Variants in GTPBP1 observed in about 807,000 individuals in gnomAD.
GTPBP1 encodes GTP binding protein 1.
A neutral mutation model predicts 62.0 loss-of-function variants in GTPBP1; 23 were observed. The ratio of observed to expected loss-of-function variants is 0.37; its 90% CI spans 0.27 to 0.53. The LOEUF (loss-of-function observed/expected upper bound fraction) is 0.53. Ranked by LOEUF, GTPBP1 falls within the 20% of genes least tolerant of loss-of-function variation. The pLI is 0.89. For synonymous variants in GTPBP1, 344 were observed against 364.4 expected (o/e 0.94, Z 0.64); for missense variants, 640 against 917.3 (o/e 0.70, Z 3.90).
Position 38,716,147 on chromosome 22 carries a change from C to T in GTPBP1, c.485+60C>T, listed in dbSNP as rs2092669154. 7.3e-7 allele frequency: 1 copy of T among 1,375,376 alleles called. No individual in the cohort carries two copies. The highest frequency in any genetic ancestry group is 2.5e-5 in the East Asian group (1 of 40,012). The allele number at this position is 1,375,376 out of a possible 1,614,324, so 85.2% of individuals were successfully genotyped here. A position where few individuals can be genotyped will look rare whatever the true frequency, so the allele number is the denominator to read the frequency against. ...TCTTCACAGAGGTTGGTGACTGAGC[C>T]TGTGGCACTTGGCGTGTCAGCTCCA... On this transcript the variant is annotated intron_variant, in intron 3 of 11. Transcript: ENST00000216044. This position sits in a 1 kb window ranked among gnomAD's most constrained non-coding sequence, Gnocchi z 5.2.
intron 2 of GTPBP1, among the ~76,000 whole-genome samples, chr22:38,709,792 C>T (rs779034581): frequency 5.9e-5 from 9 of 152,206 alleles, no homozygotes; most frequent in South Asian, 2.1e-4. Flanking sequence ...TAACAGAGGT[C>T]GTCCTCTCTC....
chr22:38,740,811 C>A (rs1429188172), downstream of GTPBP1: 19 of 627,652 alleles, frequency 3.0e-5, no homozygotes, highest in East Asian at 5.2e-4. The surrounding 1 kb of genome is among the most constrained non-coding windows in gnomAD (Gnocchi z 4.8). Flanking sequence ...CCTCAGGACC[C>A]CCCTGCTAAC....
At chr22:38,710,448 G>C (rs372219691) in intron 2 of GTPBP1, among the ~76,000 whole-genome samples, 4 of 152,130 alleles carry the variant, frequency 2.6e-5, no homozygotes, top group Admixed American at 6.5e-5. Flanking sequence ...AATATCTTTC[G>C]TATCTGTTCT....
chr22:38,711,529 C>G (rs568464350), intron 2 of GTPBP1, among the ~76,000 whole-genome samples: 1 of 151,898 alleles, frequency 6.6e-6, no homozygotes, highest in Admixed American at 6.6e-5. Flanking sequence ...TTTTAAGGGT[C>G]CCAGGTTGTA....
At chr22:38,734,184 G>C (rs991208789), downstream of GTPBP1, 3 of 347,956 alleles carry the variant, frequency 8.6e-6, no homozygotes, top group African/African-American at 6.8e-5. Flanking sequence ...CAGGTGCCAC[G>C]GTCAGTATGA....
Position 38,726,636 on chromosome 22 carries a change from C to T in GTPBP1, c.1401+196C>T, listed in dbSNP as rs910405876. ...GACACACAGCTTGTAAGTGCTAGAG[C>T]GAGGAATGCCTCCTTCTAAGCTCCG... is the stretch of plus-strand genomic sequence containing the variant. On this transcript the variant is annotated intron_variant, in intron 8 of 11. Transcript: ENST00000216044. The surrounding 1 kb of genome is among the most constrained non-coding windows in gnomAD (Gnocchi z 4.1). Among the ~76,000 whole-genome samples the T allele has an allele frequency of 1.1e-4, 16 of 152,288 alleles. No individual in the cohort carries two copies. Among genetic ancestry groups the T allele is most frequent in the East Asian group, 3.9e-4 (2 of 5,174 alleles).
chr22:38,734,031 A>G, downstream of GTPBP1: 1 of 252,454 alleles, frequency 4.0e-6, no homozygotes, highest in Non-Finnish European at 8.0e-6. Context: ...CTGTCTCCCA[A>G]GAGGCTGAGG....
downstream of GTPBP1, chr22:38,741,160 G>T: frequency 8.0e-7 from 1 of 1,257,104 alleles, no homozygotes; most frequent in Non-Finnish European, 1.1e-6. Context: ...CCCTGCCCAA[G>T]GTCTCTTGAC....
Position 38,726,821 on chromosome 22 carries a change from G to A in GTPBP1, c.1401+381G>A, listed in dbSNP as rs1485458890. Among the ~76,000 whole-genome samples, 3 of 152,148 alleles carry A rather than the reference G, an allele frequency of 2.0e-5. No homozygotes were observed. Among genetic ancestry groups the A allele is most frequent in the Non-Finnish European group, 4.4e-5 (3 of 68,024 alleles). The stretch of plus-strand genomic sequence containing the variant: ...TATCTCCTGGGGTTTGGGGTGGGTT[G>A]TAGTTCAGGGGTCACCTACCTTTAC... On this transcript the variant is annotated intron_variant, in intron 8 of 11. Transcript: ENST00000216044. The surrounding 1 kb of genome is among the most constrained non-coding windows in gnomAD (Gnocchi z 4.1).
At chr22:38,719,860 T>G (rs2092690310) in intron 4 of GTPBP1, among the ~76,000 whole-genome samples, 1 of 152,078 alleles carries the variant, frequency 6.6e-6, no homozygotes, top group Non-Finnish European at 1.5e-5. Context: ...CCAAATATCT[T>G]TCAGCTGCTT....
intron 10 of GTPBP1, chr22:38,728,825 T>A (rs2092740652): frequency 6.5e-6 from 1 of 153,306 alleles, no homozygotes; most frequent in South Asian, 2.0e-4. Flanking sequence ...AACACTGTAA[T>A]GTCCTCTGGG....
intron 2 of GTPBP1, among the ~76,000 whole-genome samples, chr22:38,715,666 C>T (rs2092665592): frequency 6.6e-6 from 1 of 152,178 alleles, no homozygotes; most frequent in Non-Finnish European, 1.5e-5. Flanking sequence ...CTGGGAGAGC[C>T]TCGGTGGCTG....
chr22:38,738,995 C>T (rs779831994), downstream of GTPBP1: 1 of 1,605,068 alleles, frequency 6.2e-7, no homozygotes, highest in Non-Finnish European at 8.5e-7. This position sits in a 1 kb window ranked among gnomAD's most constrained non-coding sequence, Gnocchi z 6.6. Context: ...GCCCCTGAGA[C>T]AGGAGAGGAA....
At chr22:38,738,625 T>C, downstream of GTPBP1, 1 of 1,613,982 alleles carries the variant, frequency 6.2e-7, no homozygotes, top group Non-Finnish European at 8.5e-7. This position sits in a 1 kb window ranked among gnomAD's most constrained non-coding sequence, Gnocchi z 6.6. Context: ...GAGATAGTGC[T>C]GTTGGGTGAC....
intron 4 of GTPBP1, among the ~76,000 whole-genome samples, chr22:38,717,854 G>A (rs748012421): frequency 1.3e-5 from 2 of 152,168 alleles, no homozygotes; most frequent in Admixed American, 6.5e-5. Context: ...GAGGGAGGGC[G>A]GGAAGGGACA....
rs1185081112 is a variant in GTPBP1, at chr22:38,727,937, CCACCAGGTGGCT to C, written c.1538-44_1538-33del. 3 of 1,456,162 alleles carry C rather than the reference CCACCAGGTGGCT, an allele frequency of 2.1e-6. No individual in the cohort carries two copies. The allele number at this position is 1,456,162 out of a possible 1,614,324, so 90.2% of individuals were successfully genotyped here. A position where few individuals can be genotyped will look rare whatever the true frequency, so the allele number is the denominator to read the frequency against. On this transcript the variant is annotated intron_variant, in intron 9 of 11. Coordinates refer to ENST00000216044, the MANE Select transcript of GTPBP1 (RefSeq NM_004286.5). The surrounding 1 kb of genome is among the most constrained non-coding windows in gnomAD (Gnocchi z 6.5). ...CTCACTGCCTCCCGTTGTCCTGAAGCCACCAGGTGGCTCCAGCCTATCCTGACCTCTGGCTTC... is the reference window on the plus strand; with the variant it reads ...CTCACTGCCTCCCGTTGTCCTGAAGCCCAGCCTATCCTGACCTCTGGCTTC...
chr22:38,738,366 A>G (rs1453320243), downstream of GTPBP1: 2 of 1,179,574 alleles, frequency 1.7e-6, no homozygotes, highest in Middle Eastern at 2.0e-4. The surrounding 1 kb of genome is among the most constrained non-coding windows in gnomAD (Gnocchi z 6.6). Flanking sequence ...CAGGCACCAG[A>G]GTGGCCTATG....
At chr22:38,708,228 A>C (rs914165351) in intron 1 of GTPBP1, among the ~76,000 whole-genome samples, 2 of 152,240 alleles carry the variant, frequency 1.3e-5, no homozygotes, top group Non-Finnish European at 2.9e-5. Flanking sequence ...TGGCTTACCC[A>C]AGTAAATGGT....
intron 1 of GTPBP1, chr22:38,706,548 TG>T: frequency 6.1e-6 from 1 of 164,752 alleles, no homozygotes; most frequent in East Asian, 1.7e-4. Flanking sequence ...CTCCTCTCCC[TG>T]GACCGCGCGG....
Sources: allele counts gnomAD v4.1 joint callset (sites outside exome capture counted in the v4.1 genomes callset), GRCh38; gene constraint gnomAD v4.1.1; non-coding constraint Gnocchi (gnomAD v3.1); transcripts MANE v1.5; gene names NCBI Gene and HGNC (gene_info 2026-07-23, HGNC 2026-07-21).